The following ST6GAL1 variants were observed in gnomAD, a reference collection of about 807,000 sequenced individuals.
ST6GAL1 encodes beta-galactoside alpha-2,6-sialyltransferase 1.
In ST6GAL1, 20 loss-of-function variants were observed where a neutral mutation model predicts 38.0. The observed-to-expected ratio is 0.53, with a 90% CI of 0.37 to 0.77. The LOEUF (loss-of-function observed/expected upper bound fraction) is 0.77. Among genes scored for constraint, ST6GAL1 ranks in the 30% least tolerant of loss-of-function variants. The pLI, the probability that ST6GAL1 is intolerant of heterozygous loss-of-function variation, is 0.00. For missense variants in ST6GAL1, 432 were observed against 496.4 expected, an observed-to-expected ratio of 0.87 and a Z score of 1.23; for synonymous variants, 196 against 188.2, an observed-to-expected ratio of 1.04 and a Z score of -0.34.
intron 1 of ST6GAL1, among the ~76,000 whole-genome samples, chr3:186,945,554 T>C (rs1489175208): frequency 6.6e-6 from 1 of 151,884 alleles, no homozygotes; most frequent in Non-Finnish European, 1.5e-5. Context: ...TCCGTTCAAA[T>C]AGAGAAGCAA....
intron 2 of ST6GAL1, among the ~76,000 whole-genome samples, chr3:187,032,456 C>T (rs914395829): frequency 6.6e-6 from 1 of 152,156 alleles, no homozygotes; most frequent in Non-Finnish European, 1.5e-5. Flanking sequence ...GGAGTAAGAG[C>T]TGTGAACCCG....
At chr3:187,016,365 G>A (rs1199225260) in intron 2 of ST6GAL1, among the ~76,000 whole-genome samples, 3 of 152,118 alleles carry the variant, frequency 2.0e-5, no homozygotes, top group Non-Finnish European at 4.4e-5. Context: ...TTTCCCACAC[G>A]CAGCACCTGG....
At chr3:187,012,794 G>A (rs1418578564) in intron 2 of ST6GAL1, among the ~76,000 whole-genome samples, 1 of 152,214 alleles carries the variant, frequency 6.6e-6, no homozygotes, top group African/African-American at 2.4e-5. Flanking sequence ...AGCACATTCA[G>A]TGCAAGAGGT....
intron 2 of ST6GAL1, among the ~76,000 whole-genome samples, chr3:187,004,078 C>G (rs1716704384): frequency 1.3e-5 from 2 of 152,170 alleles, no homozygotes; most frequent in Non-Finnish European, 2.9e-5. Context: ...AGTGAGTTCT[C>G]ATGAGATCTG....
At chr3:186,999,361 G>A (rs998777877) in intron 2 of ST6GAL1, among the ~76,000 whole-genome samples, 6 of 152,120 alleles carry the variant, frequency 3.9e-5, no homozygotes. Flanking sequence ...CAAGACATCC[G>A]GGGAAGAAGT....
At chr3:187,065,794 G>T (rs1402535175) in intron 5 of ST6GAL1, among the ~76,000 whole-genome samples, 1 of 152,148 alleles carries the variant, frequency 6.6e-6, no homozygotes, top group East Asian at 1.9e-4. Context: ...AATAGTTGAT[G>T]CCATTTGTTA....
rs185883718 is a variant in ST6GAL1 at position 186,972,525 on chromosome 3, C to T, written c.-183+8599C>T. 2.6e-5 allele frequency among the ~76,000 whole-genome samples: 4 copies of T among 152,170 alleles called. No homozygotes were observed. In the East Asian group the frequency reaches 7.8e-4, roughly 30 times the overall value. On this transcript the variant is annotated intron_variant, in intron 2 of 7. Transcript: ENST00000169298. ...CCGGCCTCCCAAAGTGTTGGGATTACAGGCGTGAGCCACCATGCCCGGCCA... is the reference window on the plus strand; with the variant it reads ...CCGGCCTCCCAAAGTGTTGGGATTATAGGCGTGAGCCACCATGCCCGGCCA...
At chr3:186,980,846 A>C (rs1471482585) in intron 2 of ST6GAL1, among the ~76,000 whole-genome samples, 1 of 152,114 alleles carries the variant, frequency 6.6e-6, no homozygotes, top group East Asian at 1.9e-4. Context: ...CTCTAAACTC[A>C]AAACTATCTG....
At chr3:187,033,994 A>G (rs187518522) in intron 2 of ST6GAL1, among the ~76,000 whole-genome samples, 22 of 152,336 alleles carry the variant, frequency 1.4e-4, no homozygotes, top group African/African-American at 4.6e-4. Context: ...AAGGATAAAC[A>G]AGTTTGGTAA....
intron 4 of ST6GAL1, among the ~76,000 whole-genome samples, chr3:187,050,523 G>A (rs1428368316): frequency 8.4e-6 from 1 of 119,282 alleles, no homozygotes; most frequent in Non-Finnish European, 1.7e-5. Flanking sequence ...TCTGACAATG[G>A]CTTACAAAGA....
intron 5 of ST6GAL1, among the ~76,000 whole-genome samples, chr3:187,060,756 T>G (rs1278967947): frequency 1.3e-5 from 2 of 152,214 alleles, no homozygotes; most frequent in Non-Finnish European, 2.9e-5. Context: ...CTTGTGTAAC[T>G]TGGCAGCTAG....
rs1719570199 is a variant in ST6GAL1, at chr3:187,076,623, A to C, written c.*820A>C. Reference sequence around the variant, plus strand: ...CACGCACTTAAAACTGTGTTTGTGGATCAGAGAAGGCTTTATAGCACAGGG... The same window carrying C: ...CACGCACTTAAAACTGTGTTTGTGGCTCAGAGAAGGCTTTATAGCACAGGG... On this transcript the variant is annotated 3_prime_UTR_variant, in exon 8 of 8. Coordinates refer to ENST00000169298, the MANE Select transcript of ST6GAL1 (RefSeq NM_173216.2). 1 of 390,846 alleles carries C rather than the reference A, an allele frequency of 2.6e-6. No individual in the cohort carries two copies. The highest frequency in any genetic ancestry group is 1.4e-4 in the South Asian group (1 of 6,936). 24.2% of individuals were successfully genotyped at this position (390,846 alleles called of 1,614,324 possible).
intron 4 of ST6GAL1, among the ~76,000 whole-genome samples, chr3:187,047,041 G>A (rs1164054892): frequency 6.6e-6 from 1 of 152,166 alleles, no homozygotes; most frequent in Non-Finnish European, 1.5e-5. Context: ...CGCCTCCCAG[G>A]TTCATGCCAT....
rs1252518495 is a variant in ST6GAL1, at chr3:187,078,167, AATTATT to A, written c.*2369_*2374del. The A allele has an allele frequency of 6.6e-6, 1 of 152,524 alleles. No homozygotes were observed. Among genetic ancestry groups the A allele is most frequent in the African/African-American group, 2.4e-5 (1 of 41,412 alleles). The allele number at this position is 152,524 out of a possible 1,614,324, so 9.4% of individuals were successfully genotyped here. ...CGACACTGGGTAGAATCTAGTTTTT[AATTATT>A]ATTAATATAAAGGATCAAATTAATT... is the stretch of plus-strand genomic sequence containing the variant. On this transcript the variant is annotated 3_prime_UTR_variant, in exon 8 of 8. Coordinates refer to ENST00000169298, the MANE Select transcript of ST6GAL1 (RefSeq NM_173216.2).
chr3:186,962,923 T>TA (rs1157833003), intron 1 of ST6GAL1, among the ~76,000 whole-genome samples: 1 of 152,204 alleles, frequency 6.6e-6, no homozygotes, highest in Non-Finnish European at 1.5e-5. Flanking sequence ...ACACGGCACT[T>TA]ACTAAACCAT....
chr3:186,964,658 G>A (rs367999409), intron 2 of ST6GAL1, among the ~76,000 whole-genome samples: 2 of 152,172 alleles, frequency 1.3e-5, no homozygotes, highest in African/African-American at 4.8e-5. Context: ...ATATATTCAA[G>A]AATTTTGCAA....
intron 2 of ST6GAL1, among the ~76,000 whole-genome samples, chr3:186,997,719 T>C (rs1404605051): frequency 6.6e-6 from 1 of 151,062 alleles, no homozygotes; most frequent in Non-Finnish European, 1.5e-5. Flanking sequence ...ACGGAATCAT[T>C]GCGCTCCAGC....
chr3:186,984,875 CCTTCCGTCCTTT>C (rs371973207), intron 2 of ST6GAL1, among the ~76,000 whole-genome samples: 2 of 140,004 alleles, frequency 1.4e-5, no homozygotes, highest in African/African-American at 5.4e-5. Context: ...TTCCGTCCTT[CCTTCCGTCCTTT>C]CTTTCTCTCT....
chr3:186,947,967 C>G (rs564902448), intron 1 of ST6GAL1, among the ~76,000 whole-genome samples: 3 of 152,206 alleles, frequency 2.0e-5, no homozygotes, highest in Non-Finnish European at 4.4e-5. Flanking sequence ...ACCTGGTCAA[C>G]AGGCAAGAAA....
Sources: allele counts gnomAD v4.1 joint callset (sites outside exome capture counted in the v4.1 genomes callset), GRCh38; gene constraint gnomAD v4.1.1; transcripts MANE v1.5; gene names NCBI Gene and HGNC (gene_info 2026-07-23, HGNC 2026-07-21).